TRAP1: variants seen among roughly 807,000 people sequenced by gnomAD.
TRAP1 encodes heat shock protein 75 kDa, mitochondrial.
A neutral mutation model predicts 89.1 loss-of-function variants in TRAP1; 102 were observed. The ratio of observed to expected loss-of-function variants is 1.15; its 90% CI spans 0.98 to 1.35. The LOEUF is 1.35. TRAP1 is among the 40% of genes most tolerant of loss of function. The probability of loss-of-function intolerance (pLI) is 0.00; values close to 1 mark genes in which losing one functional copy is unlikely to be tolerated. For synonymous variants in TRAP1, 508 were observed against 388.0 expected (o/e 1.31, Z -3.64); for missense variants, 1,256 against 945.3 (o/e 1.33, Z -4.31).
intron 2 of TRAP1, 133 bp downstream of exon 2, chr16:3,690,694 T>C: frequency 2.0e-6 from 2 of 1,011,362 alleles, no homozygotes; most frequent in Non-Finnish European, 2.7e-6. Context: ...CAGCACTCCC[T>C]ACAGCCAAGA....
chr16:3,708,288 C>A (rs1377677410), intron 1 of TRAP1, among the ~76,000 whole-genome samples: 1 of 152,072 alleles, frequency 6.6e-6, no homozygotes, highest in Non-Finnish European at 1.5e-5. Context: ...GAGTTTGAGA[C>A]TAGCCTGGCC....
rs532419969 is a variant in TRAP1, at chr16:3,707,269, T to G, written c.88+10152A>C. Among the ~76,000 whole-genome samples, 38 of 146,724 alleles carry G rather than the reference T, an allele frequency of 2.6e-4. 3 individuals are homozygous for G. Among genetic ancestry groups the G allele is most frequent in the African/African-American group, 8.9e-4 (35 of 39,530 alleles). ...GGCGGGATCTCGGCTCACTGCAAGC[T>G]CCGCCTCCCGGGTTCACACCATTCT... On this transcript the variant is annotated intron_variant, in intron 1 of 17. Coordinates refer to ENST00000246957, the MANE Select transcript of TRAP1 (RefSeq NM_016292.3).
At chr16:3,663,874 C>T (rs536942957) in intron 13 of TRAP1, 1 of 378,918 alleles carries the variant, frequency 2.6e-6, no homozygotes, top group Non-Finnish European at 4.8e-6. Context: ...GAGTTCGAGA[C>T]CAACATGGTG....
chr16:3,663,775 T>TA (rs1490642593), intron 13 of TRAP1: 25 of 592,740 alleles, frequency 4.2e-5, no homozygotes, highest in Admixed American at 6.1e-5. Context: ...ACTCCACGCA[T>TA]AAAGAAATCC....
chr16:3,717,129 C>G (rs1382660359), intron 1 of TRAP1, among the ~76,000 whole-genome samples: 1 of 152,250 alleles, frequency 6.6e-6, no homozygotes, highest in Non-Finnish European at 1.5e-5. Context: ...ACCGAAGCTC[C>G]AGGAGGGACG....
intron 15 of TRAP1, chr16:3,662,372 C>T (rs2151239393): frequency 3.4e-6 from 2 of 594,594 alleles, no homozygotes; most frequent in South Asian, 4.1e-5. Flanking sequence ...CTGCTGCCTC[C>T]AGGAGCTGCC....
chr16:3,695,390 A>T, intron 1 of TRAP1, among the ~76,000 whole-genome samples: 1 of 152,000 alleles, frequency 6.6e-6, no homozygotes. Flanking sequence ...ACCATTACTT[A>T]GCCAGACGTG....
intron 9 of TRAP1, among the ~76,000 whole-genome samples, 163 bp downstream of exon 9, chr16:3,674,176 C>T (rs1260304647): frequency 6.6e-6 from 1 of 152,208 alleles, no homozygotes; most frequent in African/African-American, 2.4e-5. Flanking sequence ...CCTCCTCAGC[C>T]TCCCAAAGTG....
chr16:3,674,659 G>T, intron 8 of TRAP1, 165 bp from the exon 9 acceptor site: 3 of 794,054 alleles, frequency 3.8e-6, no homozygotes, highest in Non-Finnish European at 5.9e-6. Flanking sequence ...GCTGGGCTAT[G>T]CCGGGTAGTG....
chr16:3,710,217 T>A (rs2051510106), intron 1 of TRAP1, among the ~76,000 whole-genome samples: 1 of 152,214 alleles, frequency 6.6e-6, no homozygotes, highest in South Asian at 2.1e-4. Context: ...ACCCTGAGCT[T>A]TGCTCATGGA....
Position 3,682,427 on chromosome 16 carries a change from G to C in TRAP1, c.472-2637C>G, listed in dbSNP as rs149874326. Among the ~76,000 whole-genome samples the C allele has an allele frequency of 3.7e-3, 558 of 151,804 alleles. 3 individuals are homozygous for C. The highest frequency in any genetic ancestry group is 0.013 in the African/African-American group (533 of 41,370). On this transcript the variant is annotated intron_variant, in intron 4 of 17. Transcript: ENST00000246957. ...AAAAATTTCTCGCTCTGTCACGCAG[G>C]CTAGAGTGCTGGAGTGCAGTGGTGT...
rs762796639 is a variant in TRAP1, at chr16:3,674,322, C to G, written c.1044+17G>C. On this transcript the variant is annotated intron_variant, in intron 9 of 17. Coordinates refer to ENST00000246957, the MANE Select transcript of TRAP1 (RefSeq NM_016292.3). ...CAGAGTCACCCTGAGGGCCGTGGGACTGCCACAGTGCCTCACCATGTCGGG... is the reference window on the plus strand; with the variant it reads ...CAGAGTCACCCTGAGGGCCGTGGGAGTGCCACAGTGCCTCACCATGTCGGG... 1.2e-6 allele frequency: 2 copies of G among 1,613,160 alleles called. No individual in the cohort carries two copies. Among genetic ancestry groups the G allele is most frequent in the Non-Finnish European group, 1.7e-6 (2 of 1,179,496 alleles).
At chr16:3,675,478 G>T in intron 7 of TRAP1, 81 bp from the exon 8 acceptor site, 1 of 1,399,852 alleles carries the variant, frequency 7.1e-7, no homozygotes, top group Non-Finnish European at 1.0e-6. Context: ...CAGGATGAGC[G>T]CCAGCCTGCT....
chr16:3,690,162 A>C (rs368893622), intron 2 of TRAP1, among the ~76,000 whole-genome samples: 19 of 152,172 alleles, frequency 1.2e-4, no homozygotes, highest in African/African-American at 4.1e-4. Context: ...GTGTGCTACC[A>C]TGCCTGGCTA....
chr16:3,671,549 C>G (rs1214986023), intron 11 of TRAP1, among the ~76,000 whole-genome samples, 173 bp downstream of exon 11: 1 of 152,206 alleles, frequency 6.6e-6, no homozygotes, highest in Non-Finnish European at 1.5e-5. Flanking sequence ...CCACAAGCTT[C>G]AGAGGCCAGG....
chr16:3,675,209 C>T, intron 8 of TRAP1, 115 bp downstream of exon 8: 2 of 959,020 alleles, frequency 2.1e-6, no homozygotes, highest in Admixed American at 2.1e-5. Flanking sequence ...CTCCACAGAG[C>T]AGCTCGCCCT....
intron 1 of TRAP1, among the ~76,000 whole-genome samples, chr16:3,709,262 G>C (rs1160767935): frequency 6.7e-6 from 1 of 150,208 alleles, no homozygotes; most frequent in African/African-American, 2.4e-5. Flanking sequence ...AAGGCCATTG[G>C]TTCAAGAGAA....
chr16:3,664,732 GGGACCCCACCCAACAGCAGAGCCCGGCCT>G, intron 12 of TRAP1: 1 of 414,350 alleles, frequency 2.4e-6, no homozygotes, highest in Middle Eastern at 6.5e-4. Flanking sequence ...GCCCTGGGAG[GGGACCCCACCCAACAGCAGAGCCCGGCCT>G]GGACCCAGCG....
intron 1 of TRAP1, among the ~76,000 whole-genome samples, chr16:3,695,580 C>T (rs944749722): frequency 6.6e-6 from 1 of 150,814 alleles, no homozygotes; most frequent in African/African-American, 2.4e-5. Context: ...AAAAAGAAAC[C>T]GTGAAAACAA....
Sources: gnomAD v4.1 joint callset for allele counts (sites outside exome capture counted in the v4.1 genomes callset) on GRCh38, gnomAD v4.1.1 for gene constraint, MANE v1.5 for transcripts, NCBI Gene and HGNC (gene_info 2026-07-23, HGNC 2026-07-21) for gene names.